The following SNORC variants were observed in gnomAD, a reference collection of about 807,000 sequenced individuals.
SNORC encodes the protein protein SNORC.
In SNORC, 11 loss-of-function variants were observed where a neutral mutation model predicts 9.7. The observed-to-expected ratio is 1.14, with a 90% CI of 0.72 to 1.88. SNORC has a LOEUF of 1.88. SNORC is among the 40% of genes most tolerant of loss of function. The probability of loss-of-function intolerance (pLI) is 0.00; values close to 1 mark genes in which losing one functional copy is unlikely to be tolerated. For missense variants in SNORC, 197 were observed against 173.1 expected, an observed-to-expected ratio of 1.14 and a Z score of -0.77; for synonymous variants, 108 against 88.7, an observed-to-expected ratio of 1.22 and a Z score of -1.22.
At position 232,870,434 on chromosome 2, in the gene SNORC, G is replaced by T; in HGVS notation, c.73+20G>T. 6.4e-7 allele frequency: 1 copy of T among 1,559,134 alleles called. No individual in the cohort carries two copies. Among genetic ancestry groups the T allele is most frequent in the South Asian group, 1.2e-5 (1 of 84,602 alleles). On this transcript the variant is annotated intron_variant, in intron 1 of 2. Coordinates refer to ENST00000331342, the Ensembl canonical transcript of SNORC. The stretch of plus-strand genomic sequence containing the variant: ...TCACAGGTAAGAGGTGAAGGCCCTT[G>T]TCTCAGCCACCACTAGCCTCCCAGG...
downstream of SNORC, chr2:232,876,475 C>G: frequency 1.5e-6 from 2 of 1,349,674 alleles, no homozygotes; most frequent in Non-Finnish European, 1.9e-6. The surrounding 1 kb of genome is among the most constrained non-coding windows in gnomAD (Gnocchi z 6.8). Flanking sequence ...CGCGCGCAGG[C>G]GAGCGCTCAG....
At chr2:232,869,667 G>A (rs185238282), upstream of SNORC, 258 of 153,812 alleles carry the variant, frequency 1.7e-3, 1 homozygote, top group Non-Finnish European at 2.7e-3. Context: ...TGTCATAAGT[G>A]CACAGGGGTC....
intron 1 of SNORC, among the ~76,000 whole-genome samples, chr2:232,872,789 G>A (rs1397665709): frequency 2.6e-5 from 4 of 152,198 alleles, no homozygotes; most frequent in Non-Finnish European, 5.9e-5. Flanking sequence ...TGGATTTGGG[G>A]GAAGATGGGA....
At chr2:232,876,994 G>A (rs1691282327), downstream of SNORC, 7 of 985,632 alleles carry the variant, frequency 7.1e-6, no homozygotes, top group Non-Finnish European at 8.4e-6. This position sits in a 1 kb window ranked among gnomAD's most constrained non-coding sequence, Gnocchi z 6.8. Flanking sequence ...GGGTTGGGGA[G>A]GGCAGGGGCC....
At chr2:232,874,673 A>G (rs1485758684) in intron 1 of SNORC, among the ~76,000 whole-genome samples, 1 of 152,116 alleles carries the variant, frequency 6.6e-6, no homozygotes, top group African/African-American at 2.4e-5. Context: ...TGGTGAACCT[A>G]TGAGGAGGGC....
At chr2:232,869,133 A>G (rs1407941380), upstream of SNORC, 4 of 152,212 alleles carry the variant, frequency 2.6e-5, no homozygotes, top group African/African-American at 7.2e-5. Flanking sequence ...ATAAATACGC[A>G]TGCTAAAAAG....
At chr2:232,867,500 A>AT (rs984084463), upstream of SNORC, among the ~76,000 whole-genome samples, 1 of 152,158 alleles carries the variant, frequency 6.6e-6, no homozygotes, top group African/African-American at 2.4e-5. Context: ...TGGTCTAAGT[A>AT]TTTTTTTCTA....
chr2:232,867,028 A>G (rs997340204), upstream of SNORC, among the ~76,000 whole-genome samples: 1 of 152,172 alleles, frequency 6.6e-6, no homozygotes, highest in Admixed American at 6.5e-5. Context: ...CGTTACCTCA[A>G]GTGATCCTCC....
At chr2:232,871,489 G>A (rs1691023043) in intron 1 of SNORC, among the ~76,000 whole-genome samples, 1 of 152,220 alleles carries the variant, frequency 6.6e-6, no homozygotes, top group South Asian at 2.1e-4. Context: ...GGCCTCGTGA[G>A]TTCAGACGTG....
At chr2:232,868,665 C>G (rs1233123646), upstream of SNORC, among the ~76,000 whole-genome samples, 1 of 152,184 alleles carries the variant, frequency 6.6e-6, no homozygotes, top group Non-Finnish European at 1.5e-5. Flanking sequence ...CCCCAACATT[C>G]CTTTCTTACT....
intron 1 of SNORC, among the ~76,000 whole-genome samples, chr2:232,870,808 T>G (rs1690998989): frequency 6.6e-6 from 1 of 152,148 alleles, no homozygotes; most frequent in Admixed American, 6.5e-5. Context: ...CCTTGCTGAT[T>G]ACTTTGAAAA....
chr2:232,877,169 G>A, downstream of SNORC: 2 of 985,550 alleles, frequency 2.0e-6, no homozygotes, highest in Non-Finnish European at 2.4e-6. Context: ...GACACGGCCC[G>A]CCCCTGCTTC....
upstream of SNORC, chr2:232,869,569 G>A (rs1690948033): frequency 6.6e-6 from 1 of 152,434 alleles, no homozygotes; most frequent in Admixed American, 6.5e-5. Context: ...ACTGTAAGTT[G>A]TAGCCGCTCG....
rs1691232227 is a variant in SNORC, at chr2:232,876,189, G to T, written c.257-58G>T. 2 of 1,421,650 alleles carry T rather than the reference G, an allele frequency of 1.4e-6. No individual in the cohort carries two copies. The highest frequency in any genetic ancestry group is 5.5e-5 in the East Asian group (2 of 36,536). The allele number at this position is 1,421,650 out of a possible 1,614,324, so 88.1% of individuals were successfully genotyped here. ...GGAGGGGCGGGGGGCGGGGGGCGCG[G>T]GGAGAAGGGCCGGCCAGGCGGGGGC... On this transcript the variant is annotated intron_variant, in intron 2 of 2. Coordinates refer to ENST00000331342, the Ensembl canonical transcript of SNORC. The surrounding 1 kb of genome is among the most constrained non-coding windows in gnomAD (Gnocchi z 6.8).
At chr2:232,875,483 G>C (rs1051467617) in intron 1 of SNORC, 14 of 428,818 alleles carry the variant, frequency 3.3e-5, no homozygotes, top group Admixed American at 2.9e-4. Context: ...GGGGCATCCT[G>C]TCTGGTTGCC....
downstream of SNORC, chr2:232,877,171 C>A: frequency 1.0e-6 from 1 of 985,624 alleles, no homozygotes; most frequent in South Asian, 4.7e-5. Flanking sequence ...CACGGCCCGC[C>A]CCTGCTTCCT....
chr2:232,877,038 G>C, downstream of SNORC: 1 of 985,574 alleles, frequency 1.0e-6, no homozygotes, highest in Non-Finnish European at 1.2e-6. Context: ...GCGTGGTTTT[G>C]GGGGACGTCT....
chr2:232,868,653 C>T (rs1213553199), upstream of SNORC, among the ~76,000 whole-genome samples: 1 of 152,102 alleles, frequency 6.6e-6, no homozygotes, highest in East Asian at 1.9e-4. Context: ...AAGATAAATC[C>T]ACCCCAACAT....
At chr2:232,867,032 A>T (rs1690891999), upstream of SNORC, among the ~76,000 whole-genome samples, 5 of 152,090 alleles carry the variant, frequency 3.3e-5, no homozygotes, top group Admixed American at 2.6e-4. Context: ...ACCTCAAGTG[A>T]TCCTCCCATC....
Sources: allele counts gnomAD v4.1 joint callset (sites outside exome capture counted in the v4.1 genomes callset), GRCh38; gene constraint gnomAD v4.1.1; non-coding constraint Gnocchi (gnomAD v3.1); transcripts MANE v1.5; gene names NCBI Gene and HGNC (gene_info 2026-07-23, HGNC 2026-07-21).